Variants in USP31 observed in about 807,000 individuals in gnomAD.
USP31 encodes the protein ubiquitin specific peptidase 31.
In USP31, 44 loss-of-function variants were observed where a neutral mutation model predicts 119.4. The ratio of observed to expected loss-of-function variants is 0.37; its 90% CI spans 0.29 to 0.47. The LOEUF is 0.47. Among genes scored for constraint, USP31 ranks in the 20% least tolerant of loss-of-function variants. The pLI is 0.99. For synonymous variants in USP31, 749 were observed against 705.6 expected (o/e 1.06, Z -0.97); for missense variants, 1,643 against 1,730.2 (o/e 0.95, Z 0.89).
rs1900388734 is a variant in USP31 at position 23,072,493 on chromosome 16, G to C, written c.2336-296C>G. The stretch of plus-strand genomic sequence containing the variant: ...GAGTCTAAAGAATTGGCAAGAGAAT[G>C]GAATAGACAAGCACTCATACATTCA... On this transcript the variant is annotated intron_variant, in intron 14 of 15. Transcript: ENST00000219689. The C allele has an allele frequency of 6.8e-6, 4 of 592,158 alleles. No individual in the cohort carries two copies. The South Asian group carries it at 8.2e-5, about 12-fold the overall frequency. The allele number at this position is 592,158 out of a possible 1,614,324, so 36.7% of individuals were successfully genotyped here.
chr16:23,126,755 T>C (rs1020022260), intron 1 of USP31, among the ~76,000 whole-genome samples: 2 of 151,556 alleles, frequency 1.3e-5, no homozygotes, highest in African/African-American at 4.9e-5. Context: ...AAGGAGCAAA[T>C]AAAATAATCC....
chr16:23,072,554 C>T (rs1900390949), intron 14 of USP31: 2 of 565,824 alleles, frequency 3.5e-6, no homozygotes, highest in Admixed American at 3.4e-5. Flanking sequence ...ACATGCCAGG[C>T]ACTGTTCTAA....
chr16:23,080,165 C>T lies in USP31; in HGVS notation c.1957G>A (p.Asp653Asn). 2 of 1,542,688 alleles carry T rather than the reference C, an allele frequency of 1.3e-6. No homozygotes were observed. Among genetic ancestry groups the T allele is most frequent in the Admixed American group, 2.1e-5 (1 of 47,912 alleles). ...ATGTTCTGAAGTTTCATGCGCCTGT[C>T]TCCTTCCTGTTGCAAGAAGAAAAAC... ...IHLKRFRQEGDRRMKLQNMVK... is the reference protein window; with the variant it reads ...IHLKRFRQEGNRRMKLQNMVK... Residue 653 changes from aspartate (D) to asparagine (N), a missense_variant, in exon 13 of 16, where the codon GAC becomes AAC. Physicochemically the swap from Asp to Asn is conservative, Grantham distance 23. Transcript: ENST00000219689.
At chr16:23,140,412 A>C (rs1903320651) in intron 1 of USP31, among the ~76,000 whole-genome samples, 1 of 152,214 alleles carries the variant, frequency 6.6e-6, no homozygotes, top group South Asian at 2.1e-4. Context: ...CTACAGTGCC[A>C]GGACAGCCCC....
chr16:23,093,325 C>G (rs1253976170), intron 6 of USP31, among the ~76,000 whole-genome samples: 1 of 152,016 alleles, frequency 6.6e-6, no homozygotes, highest in East Asian at 1.9e-4. Context: ...TACAACTCAA[C>G]AAAAACAACT....
At chr16:23,104,827 C>T (rs997410390) in intron 5 of USP31, among the ~76,000 whole-genome samples, 3 of 152,210 alleles carry the variant, frequency 2.0e-5, no homozygotes, top group African/African-American at 4.8e-5. Context: ...TATGCAAAAA[C>T]ATGTCAAGTC....
chr16:23,097,761 A>T (rs886174165), intron 6 of USP31, among the ~76,000 whole-genome samples: 1 of 152,264 alleles, frequency 6.6e-6, no homozygotes, highest in African/African-American at 2.4e-5. Context: ...AAGGCCTTCA[A>T]CAAAATTCAA....
At chr16:23,082,260 C>A (rs1900863328) in intron 12 of USP31, among the ~76,000 whole-genome samples, 178 bp downstream of exon 12, 1 of 152,124 alleles carries the variant, frequency 6.6e-6, no homozygotes, top group African/African-American at 2.4e-5. Context: ...CAAATTTTGC[C>A]TTGGGAAAGA....
intron 15 of USP31, among the ~76,000 whole-genome samples, chr16:23,069,828 A>T (rs139149970): frequency 6.6e-6 from 1 of 152,306 alleles, no homozygotes; most frequent in African/African-American, 2.4e-5. Flanking sequence ...ATTCTAACTC[A>T]GGATCATTCT....
Position 23,069,403 on chromosome 16 carries a change from T to C in USP31, c.2702A>G (p.Glu901Gly), listed in dbSNP as rs1900252412. The C allele has an allele frequency of 3.7e-6, 6 of 1,612,228 alleles. No individual in the cohort carries two copies. The highest frequency in any genetic ancestry group is 5.1e-6 in the Non-Finnish European group (6 of 1,178,482). Residue 901 changes from glutamate to glycine, a missense_variant, in exon 16 of 16, where the codon GAG (glutamate) becomes GGG (glycine). Physicochemically the swap from Glu to Gly is moderately conservative, Grantham distance 98. Transcript: ENST00000219689. The stretch of plus-strand genomic sequence containing the variant: ...GATGGAGACCTTGTCATCTGCTGCC[T>C]CCCCAATCTTCTCCAAGGTGGAAGC... ...SSASTLEKIG[E>G]AADDKVSISC...
rs1209403821 is a variant in USP31, at chr16:23,102,456, A to G, written c.1097T>C (p.Leu366Ser). Residue 366 changes from leucine to serine, a missense_variant, in exon 6 of 16, where the codon TTA (leucine) becomes TCA (serine). This residue lies in a region of USP31 where 219 missense variants were observed against 226.4 expected (regional missense o/e 0.97). Coordinates refer to ENST00000219689, the MANE Select transcript of USP31 (RefSeq NM_020718.4). ...ETKIPTDQIV[L>S]TEMYYDGFHR... ...GAACCCATCATAGTACATTTCTGTT[A>G]ACACAATCTAAAAATAGGAAAAATG... The G allele has an allele frequency of 6.2e-7, 1 of 1,602,834 alleles. No individual in the cohort carries two copies. The highest frequency in any genetic ancestry group is 1.7e-5 in the Admixed American group (1 of 57,330).
chr16:23,101,970 TAAAA>T (rs34773118), intron 6 of USP31, among the ~76,000 whole-genome samples: 10 of 85,526 alleles, frequency 1.2e-4, no homozygotes, highest in African/African-American at 2.3e-4. Context: ...TAGCAAAATT[TAAAA>T]AAAAAAAAAA....
chr16:23,073,653 GTCC>G, intron 14 of USP31, 66 bp downstream of exon 14: 1 of 1,545,664 alleles, frequency 6.5e-7, no homozygotes, highest in Non-Finnish European at 8.8e-7. Context: ...CTCCAGAGAG[GTCC>G]TCTAGACCAT....
At chr16:23,079,897 C>A (rs761564461) in intron 13 of USP31, 49 bp downstream of exon 13, 9 of 1,498,192 alleles carry the variant, frequency 6.0e-6, no homozygotes, top group Non-Finnish European at 8.0e-6. Context: ...CAAGCAAACC[C>A]GTCTGAAGGA....
At chr16:23,077,485 C>T (rs1159691373) in intron 13 of USP31, among the ~76,000 whole-genome samples, 1 of 152,132 alleles carries the variant, frequency 6.6e-6, no homozygotes, top group Non-Finnish European at 1.5e-5. Flanking sequence ...GACTCCTCTG[C>T]CTTGGCTGAT....
At chr16:23,134,887 C>G (rs1267919171) in intron 1 of USP31, among the ~76,000 whole-genome samples, 1 of 30,234 alleles carries the variant, frequency 3.3e-5, no homozygotes, top group Non-Finnish European at 6.1e-5. Flanking sequence ...AAGTTGTTAC[C>G]TTATACACAC....
In USP31 at chr16:23,072,219, T is replaced by C. The variant is rs771770866; in HGVS notation, c.2336-22A>G. ...GAGCCTGCAGAGAAGAAAACAGGCA[T>C]AGAGGTCAGGCTGGGGTCCCTCGGC... On this transcript the variant is annotated intron_variant, in intron 14 of 15. Transcript: ENST00000219689. 72 of 1,597,322 alleles carry C rather than the reference T, an allele frequency of 4.5e-5. No individual in the cohort carries two copies. In the Middle Eastern group the frequency reaches 6.6e-4, roughly 15 times the overall value.
At chr16:23,071,961 C>G (rs1900364229) in intron 15 of USP31, 84 bp downstream of exon 15, 1 of 1,530,976 alleles carries the variant, frequency 6.5e-7, no homozygotes, top group Non-Finnish European at 8.8e-7. Context: ...CTCCTTGGGA[C>G]TTAGCTCCTA....
rs1278156353 is a variant in USP31 at position 23,101,576 on chromosome 16, CAG to C, written c.1234+741_1234+742del. ...TCACCTACCTAAAGGGCTTGTTTAC[CAG>C]AGTTTCTCCTTTACTCGGTGTGGAG... On this transcript the variant is annotated intron_variant, in intron 6 of 15. Coordinates refer to ENST00000219689, the MANE Select transcript of USP31 (RefSeq NM_020718.4). 3.3e-5 allele frequency among the ~76,000 whole-genome samples: 5 copies of C among 152,188 alleles called. No homozygotes were observed. In the East Asian group the frequency reaches 9.7e-4, roughly 29 times the overall value.
Sources: allele counts gnomAD v4.1 joint callset (sites outside exome capture counted in the v4.1 genomes callset), GRCh38; gene constraint gnomAD v4.1.1; regional missense constraint gnomAD v4.1.1; transcripts MANE v1.5; gene names NCBI Gene and HGNC (gene_info 2026-07-23, HGNC 2026-07-21).